SLC6A15: variants seen among roughly 807,000 people sequenced by gnomAD.
SLC6A15 encodes solute carrier family 6 member 15, also known as sodium-dependent neutral amino acid transporter B(0)AT2.
SLC6A15 carries 33 observed loss-of-function variants against 68.5 expected under a neutral mutation model. The ratio of observed to expected loss-of-function variants is 0.48; its 90% CI spans 0.37 to 0.64. The LOEUF is 0.64. Ranked by LOEUF, SLC6A15 falls within the 30% of genes least tolerant of loss-of-function variation. SLC6A15 has a pLI of 0.00. For missense variants in SLC6A15, 747 were observed against 874.3 expected, an observed-to-expected ratio of 0.85 and a Z score of 1.84; for synonymous variants, 347 against 301.0, an observed-to-expected ratio of 1.15 and a Z score of -1.58.
At chr12:84,905,003 C>A (rs1404921620) in intron 1 of SLC6A15, among the ~76,000 whole-genome samples, 1 of 152,054 alleles carries the variant, frequency 6.6e-6, no homozygotes, top group Non-Finnish European at 1.5e-5. Flanking sequence ...GAATTAACAT[C>A]AATTCTACAC....
Position 84,861,524 on chromosome 12 carries a change from G to A in SLC6A15, c.*108C>T. The A allele has an allele frequency of 7.9e-7, 1 of 1,266,278 alleles. No individual in the cohort carries two copies. Among genetic ancestry groups the A allele is most frequent in the Non-Finnish European group, 1.1e-6 (1 of 913,640 alleles). The allele number at this position is 1,266,278 out of a possible 1,614,324, so 78.4% of individuals were successfully genotyped here. On this transcript the variant is annotated 3_prime_UTR_variant, in exon 12 of 12. Transcript: ENST00000266682. The stretch of plus-strand genomic sequence containing the variant: ...GTTAGGATTAAAGATCACAGCCACG[G>A]AACACCTGAGATTGCCCTCTGATAA...
chr12:84,904,636 A>T (rs1873054572), intron 1 of SLC6A15, among the ~76,000 whole-genome samples: 1 of 152,230 alleles, frequency 6.6e-6, no homozygotes, highest in South Asian at 2.1e-4. Flanking sequence ...CATAGGTATT[A>T]GAATAGAAAT....
intron 5 of SLC6A15, 78 bp from the exon 6 acceptor site, chr12:84,876,685 T>C: frequency 1.6e-6 from 1 of 633,936 alleles, no homozygotes; most frequent in South Asian, 2.7e-5. Flanking sequence ...TGTTAGTTTC[T>C]GTACTTTGAC....
Position 84,861,094 on chromosome 12 carries a change from A to T in SLC6A15, c.*538T>A, listed in dbSNP as rs1448729205. ...TGCTATTGCTCTATACAGCTATTAC[A>T]TAAGAAAATATTTTGCAGTTTTCTT... On this transcript the variant is annotated 3_prime_UTR_variant, in exon 12 of 12. Transcript: ENST00000266682. 6.6e-6 allele frequency: 1 copy of T among 152,406 alleles called. No individual in the cohort carries two copies. Among genetic ancestry groups the T allele is most frequent in the African/African-American group, 2.4e-5 (1 of 41,438 alleles). 9.4% of individuals were successfully genotyped at this position (152,406 alleles called of 1,614,324 possible).
In SLC6A15 at chr12:84,873,200, A is replaced by C. The variant is rs2120578916; in HGVS notation, c.996T>G (p.Phe332Leu). Residue 332 changes from phenylalanine (F) to leucine (L), a missense_variant, in exon 7 of 12, where the codon TTT becomes TTG. Transcript: ENST00000266682. Reference protein sequence around the residue: ...SYNKRDNNCHFDAVLVSFINF... With the variant: ...SYNKRDNNCHLDAVLVSFINF... The stretch of plus-strand genomic sequence containing the variant: ...TGATGAAGGACACCAGGACAGCATC[A>C]AAGTGGCAGTTGTTGTCTCTCTTGT... The C allele has an allele frequency of 6.2e-7, 1 of 1,614,140 alleles. No individual in the cohort carries two copies. Among genetic ancestry groups the C allele is most frequent in the South Asian group, 1.1e-5 (1 of 91,088 alleles).
intron 9 of SLC6A15, among the ~76,000 whole-genome samples, chr12:84,869,234 C>T (rs951577680): frequency 1.3e-4 from 20 of 151,776 alleles, no homozygotes; most frequent in Admixed American, 8.5e-4. Context: ...CCAAGGCGGG[C>T]GGATCACGAG....
chr12:84,874,570 T>C (rs1184790786), intron 6 of SLC6A15: 1 of 152,210 alleles, frequency 6.6e-6, no homozygotes, highest in Non-Finnish European at 1.5e-5. Flanking sequence ...AACAATAGGA[T>C]GTATTGCTTC....
intron 1 of SLC6A15, among the ~76,000 whole-genome samples, chr12:84,911,183 C>A (rs543894105): frequency 6.6e-6 from 1 of 152,114 alleles, no homozygotes; most frequent in Non-Finnish European, 1.5e-5. Flanking sequence ...TTGTTGCTGG[C>A]ACAGCAGAAA....
chr12:84,888,639 T>TA (rs959158203), intron 2 of SLC6A15, among the ~76,000 whole-genome samples: 2 of 152,096 alleles, frequency 1.3e-5, no homozygotes, highest in Non-Finnish European at 1.5e-5. Context: ...GGGATACGGT[T>TA]AAAAAACTAC....
rs77477149 is a variant in SLC6A15, at chr12:84,883,813, C to T, written c.756+46G>A. 13,826 of 1,613,810 alleles carry T rather than the reference C, an allele frequency of 8.6e-3. 766 individuals carry two copies. In the African/African-American group the frequency reaches 0.14, roughly 16 times the overall value. On this transcript the variant is annotated intron_variant, in intron 5 of 11. Coordinates refer to ENST00000266682, the MANE Select transcript of SLC6A15 (RefSeq NM_182767.6). ...ACAGAATTTGAGAGAGGGATGAATC[C>T]AGAAATGGTGATTAGCAGAATGAGG...
intron 6 of SLC6A15, among the ~76,000 whole-genome samples, chr12:84,875,485 G>A (rs1014681510): frequency 2.6e-5 from 4 of 151,688 alleles, no homozygotes; most frequent in Admixed American, 2.6e-4. Context: ...AAGAATTCCA[G>A]AGAAGCTAAT....
intron 1 of SLC6A15, among the ~76,000 whole-genome samples, chr12:84,908,039 A>C (rs1873251707): frequency 6.6e-6 from 1 of 152,176 alleles, no homozygotes; most frequent in Non-Finnish European, 1.5e-5. Flanking sequence ...GAGCCTGGGG[A>C]CTGGAGTGAA....
intron 1 of SLC6A15, among the ~76,000 whole-genome samples, chr12:84,898,479 C>T (rs1311842919): frequency 6.6e-6 from 1 of 152,150 alleles, no homozygotes; most frequent in Non-Finnish European, 1.5e-5. Context: ...TGTGAAAAGA[C>T]ATGTATTGGT....
chr12:84,861,669 G>A lies in SLC6A15; in HGVS notation c.2156C>T (p.Ala719Val). The A allele has an allele frequency of 6.2e-7, 1 of 1,605,362 alleles. No individual in the cohort carries two copies. The change falls in exon 12 of 12, where the codon GCA becomes GTA. Residue 719 changes from alanine (A) to valine (V), a missense_variant. Transcript: ENST00000266682. The part of the protein sequence containing the change: ...NGRYGIGYLM[A>V]DIMPDMPESD... ...TTCTGGCATATCTGGCATAATATCT[G>A]CCATCAAGTACCCTATTCCATACCG...
chr12:84,875,195 T>C (rs187936750), intron 6 of SLC6A15, among the ~76,000 whole-genome samples: 57 of 152,290 alleles, frequency 3.7e-4, no homozygotes, highest in Admixed American at 2.4e-3. Flanking sequence ...CAGAAAACAT[T>C]TTCTTCAATA....
chr12:84,893,413 A>AT (rs925079332), intron 1 of SLC6A15, among the ~76,000 whole-genome samples: 199 of 150,744 alleles, frequency 1.3e-3, no homozygotes, highest in South Asian at 2.3e-3. Context: ...TCCCTTTGGG[A>AT]TTTTTTTTTT....
At chr12:84,870,904 T>C (rs1474492207) in intron 8 of SLC6A15, among the ~76,000 whole-genome samples, 1 of 152,094 alleles carries the variant, frequency 6.6e-6, no homozygotes, top group Non-Finnish European at 1.5e-5. Context: ...ATAAACAGAG[T>C]ACACGATTGT....
chr12:84,880,944 A>G (rs1871792075), intron 5 of SLC6A15: 1 of 917,266 alleles, frequency 1.1e-6, no homozygotes. Flanking sequence ...TCTATCATGT[A>G]TTGGTTGCTT....
At chr12:84,891,632 T>A (rs1872397332) in intron 2 of SLC6A15, among the ~76,000 whole-genome samples, 200 bp downstream of exon 2, 1 of 152,152 alleles carries the variant, frequency 6.6e-6, no homozygotes. Flanking sequence ...CCCTGAGCAT[T>A]CACAGCAAGC....
Sources: allele counts gnomAD v4.1 joint callset (sites outside exome capture counted in the v4.1 genomes callset), GRCh38; gene constraint gnomAD v4.1.1; transcripts MANE v1.5; gene names NCBI Gene and HGNC (gene_info 2026-07-23, HGNC 2026-07-21).